BTAF1: variants seen among roughly 807,000 people sequenced by gnomAD.
BTAF1 encodes B-TFIID TATA-box binding protein associated factor 1.
BTAF1 carries 38 observed loss-of-function variants against 227.1 expected under a neutral mutation model. The observed-to-expected ratio is 0.17, with a 90% CI of 0.13 to 0.22. The LOEUF (loss-of-function observed/expected upper bound fraction) is 0.22, where lower values mean the gene tolerates loss of function less well. BTAF1 is among the 10% of genes least tolerant of loss of function. The pLI is 1.00. For synonymous variants in BTAF1, 742 were observed against 751.9 expected (o/e 0.99, Z 0.21); for missense variants, 1,598 against 2,204.0 (o/e 0.73, Z 5.51).
intron 30 of BTAF1, among the ~76,000 whole-genome samples, chr10:92,012,085 C>T (rs1430017710): frequency 4.8e-5 from 5 of 105,242 alleles, no homozygotes; most frequent in Non-Finnish European, 7.7e-5. Context: ...CTCCTTCCCT[C>T]CCTCCCTCCC....
chr10:92,023,545 G>A (rs536065033), intron 34 of BTAF1, among the ~76,000 whole-genome samples: 14 of 152,190 alleles, frequency 9.2e-5, no homozygotes, highest in African/African-American at 2.4e-4. Context: ...TTCACTGGGC[G>A]TGATGGCAGG....
rs199636186 is a variant in BTAF1 at position 91,984,243 on chromosome 10, G to C, written c.2266G>C (p.Asp756His). The change falls in exon 19 of 38, where the codon GAT becomes CAT. Residue 756 changes from aspartate (D) to histidine (H), a missense_variant. By Grantham distance (81) the Asp-to-His change is moderately conservative (BLOSUM62 -1). This residue lies in a region of BTAF1 where 318 missense variants were observed against 435.0 expected (regional missense o/e 0.73). Transcript: ENST00000265990. Reference protein sequence around the residue: ...VTLAVQPRLLDILSEHLYYDE... With the variant: ...VTLAVQPRLLHILSEHLYYDE... ...CTTAGCTGTGCAGCCGCGTTTACTT[G>C]ATATCCTTTCAGAACATTTATATTA... 25 of 1,613,768 alleles carry C rather than the reference G, an allele frequency of 1.5e-5. No individual in the cohort carries two copies. Among genetic ancestry groups the C allele is most frequent in the Non-Finnish European group, 2.1e-5 (25 of 1,179,944 alleles).
Position 91,951,534 on chromosome 10 carries a change from C to T in BTAF1, c.532C>T (p.Pro178Ser). Reference sequence around the variant, plus strand: ...CAATGATGAGGATTTGGATTATACCCCAACTTCAGCATCCTTTGTTAACAA... The same window carrying T: ...CAATGATGAGGATTTGGATTATACCTCAACTTCAGCATCCTTTGTTAACAA... ...LFNDEDLDYT[P>S]TSASFVNKQP... The change falls in exon 5 of 38, where the codon CCA (proline) becomes TCA (serine). Residue 178 changes from proline to serine, a missense_variant. Pro to Ser is a moderately conservative substitution (Grantham distance 74, BLOSUM62 -1). Around this residue, in one of 10 missense-constraint regions of BTAF1, gnomAD observed 298 missense variants for 395.2 expected, o/e 0.75. Transcript: ENST00000265990. 1 of 1,604,290 alleles carries T rather than the reference C, an allele frequency of 6.2e-7. No homozygotes were observed. The highest frequency in any genetic ancestry group is 8.5e-7 in the Non-Finnish European group (1 of 1,176,940).
At chr10:91,925,985 A>G (rs145483456) in intron 1 of BTAF1, among the ~76,000 whole-genome samples, 67 of 152,022 alleles carry the variant, frequency 4.4e-4, no homozygotes, top group African/African-American at 1.4e-3. Flanking sequence ...TGGAAGAGCT[A>G]TTTCTGTGCT....
chr10:92,008,040 G>C, intron 25 of BTAF1, 83 bp from the exon 26 acceptor site: 2 of 1,238,296 alleles, frequency 1.6e-6, no homozygotes, highest in Non-Finnish European at 2.3e-6. Flanking sequence ...TCTTTTTTCT[G>C]TGTGTTTGTT....
rs1851769476 is a variant in BTAF1 at position 92,029,693 on chromosome 10, A to AT, written c.*766dup. The AT allele has an allele frequency of 6.6e-6, 1 of 151,980 alleles. No homozygotes were observed. The allele number at this position is 151,980 out of a possible 1,614,324, so 9.4% of individuals were successfully genotyped here. ...TAGGTTTCAATCATATATATAATAT[A>AT]TTTTTTGTAACTATGAACATACACA... On this transcript the variant is annotated 3_prime_UTR_variant, in exon 38 of 38. Transcript: ENST00000265990.
At chr10:92,020,843 A>G (rs1364937131) in intron 34 of BTAF1, among the ~76,000 whole-genome samples, 1 of 152,160 alleles carries the variant, frequency 6.6e-6, no homozygotes, top group Admixed American at 6.5e-5. Flanking sequence ...AATTTCATCC[A>G]TATTTGAATT....
chr10:91,992,669 G>A (rs1848877673), intron 21 of BTAF1, among the ~76,000 whole-genome samples: 1 of 152,074 alleles, frequency 6.6e-6, no homozygotes, highest in Non-Finnish European at 1.5e-5. Context: ...TAGTCAATTT[G>A]ATATTTATTA....
rs201449914 is a variant in BTAF1 at position 92,016,410 on chromosome 10, C to T, written c.4655C>T (p.Thr1552Ile). 7.5e-6 allele frequency: 12 copies of T among 1,598,922 alleles called. No homozygotes were observed. The highest frequency in any genetic ancestry group is 4.5e-5 in the East Asian group (2 of 44,192). Residue 1552 changes from threonine to isoleucine, a missense_variant, in exon 33 of 38, where the codon ACA becomes ATA. This residue lies in a region of BTAF1 where 205 missense variants were observed against 244.5 expected (regional missense o/e 0.84). Transcript: ENST00000265990. ...GTTGATGAAACAGTTTCTTCAGCTA[C>T]ACTTTCTGAAGAAACTGAAAAACCA... ...CDVDETVSSA[T>I]LSEETEKPKL...
intron 25 of BTAF1, among the ~76,000 whole-genome samples, chr10:92,004,734 G>A (rs142001447): frequency 0.03 from 4,510 of 152,270 alleles, 220 homozygotes; most frequent in African/African-American, 0.1. Context: ...GTCTCCCAAA[G>A]TGCTGGGATT....
At chr10:91,925,516 CTTT>C (rs6144026) in intron 1 of BTAF1, among the ~76,000 whole-genome samples, 2 of 114,580 alleles carry the variant, frequency 1.7e-5, no homozygotes, top group Non-Finnish European at 3.8e-5. Context: ...ACGCTAATCT[CTTT>C]TTTTTTTTTT....
At chr10:91,963,461 T>TC (rs1356888372) in intron 12 of BTAF1, among the ~76,000 whole-genome samples, 2 of 148,906 alleles carry the variant, frequency 1.3e-5, no homozygotes, top group Non-Finnish European at 3.0e-5. Context: ...GATGGGGGAG[T>TC]CCCCCTATGT....
At chr10:91,991,313 G>A (rs982733735) in intron 20 of BTAF1, among the ~76,000 whole-genome samples, 14 of 96,978 alleles carry the variant, frequency 1.4e-4, no homozygotes, top group Non-Finnish European at 3.2e-4. Context: ...ACGTGGTGGC[G>A]TGCGTCTGTA....
At chr10:91,976,725 A>C (rs529426909) in intron 14 of BTAF1, among the ~76,000 whole-genome samples, 48 of 152,178 alleles carry the variant, frequency 3.2e-4, no homozygotes, top group Non-Finnish European at 6.2e-4. Context: ...ATTGGCAACT[A>C]TTCCTTACGA....
intron 19 of BTAF1, among the ~76,000 whole-genome samples, chr10:91,986,632 T>C (rs1475617321): frequency 6.6e-6 from 1 of 152,164 alleles, no homozygotes; most frequent in Non-Finnish European, 1.5e-5. Context: ...TTTTGCCTCC[T>C]CTCCCTACTT....
intron 13 of BTAF1, among the ~76,000 whole-genome samples, chr10:91,966,289 G>C (rs1846906530): frequency 6.6e-6 from 1 of 152,166 alleles, no homozygotes; most frequent in South Asian, 2.1e-4. Context: ...CATGTAGGCT[G>C]ACTACCAGCT....
intron 3 of BTAF1, among the ~76,000 whole-genome samples, chr10:91,940,804 C>G (rs1028865327): frequency 2.0e-5 from 3 of 152,106 alleles, no homozygotes; most frequent in African/African-American, 7.2e-5. Flanking sequence ...TGTGCCTCAA[C>G]CTCCCAAGTA....
intron 14 of BTAF1, among the ~76,000 whole-genome samples, chr10:91,972,668 A>C (rs917662144): frequency 1.1e-4 from 16 of 152,174 alleles, no homozygotes; most frequent in Non-Finnish European, 2.9e-5. Flanking sequence ...AAAGTTACTT[A>C]TTGATTAATT....
intron 6 of BTAF1, 151 bp downstream of exon 6, chr10:91,954,024 G>A (rs1053194486): frequency 1.7e-6 from 2 of 1,173,172 alleles, no homozygotes; most frequent in Admixed American, 2.6e-5. Flanking sequence ...AGTATTCATT[G>A]TACTAGGAAC....
Sources: gnomAD v4.1 joint callset for allele counts (sites outside exome capture counted in the v4.1 genomes callset) on GRCh38, gnomAD v4.1.1 for gene constraint, gnomAD v4.1.1 regional missense constraint, MANE v1.5 for transcripts, NCBI Gene and HGNC (gene_info 2026-07-23, HGNC 2026-07-21) for gene names.